The following TNR variants were observed in gnomAD, a reference collection of about 807,000 sequenced individuals.
TNR encodes the protein tenascin-R.
In TNR, 45 loss-of-function variants were observed where a neutral mutation model predicts 150.4. The ratio of observed to expected loss-of-function variants is 0.30; its 90% CI spans 0.24 to 0.38. The LOEUF (loss-of-function observed/expected upper bound fraction) is 0.38, where lower values mean the gene tolerates loss of function less well. Among genes scored for constraint, TNR ranks in the 10% least tolerant of loss-of-function variants. TNR has a pLI of 1.00. For synonymous variants in TNR, 687 were observed against 678.4 expected (o/e 1.01, Z -0.20); for missense variants, 1,544 against 1,759.1 (o/e 0.88, Z 2.19).
rs12092395 is a variant in TNR at position 175,391,516 on chromosome 1, T to C, written c.1357-78A>G. 0.01 allele frequency: 15,156 copies of C among 1,471,184 alleles called. 1,272 individuals carry two copies. In the African/African-American group the frequency reaches 0.18, roughly 18 times the overall value. The allele number at this position is 1,471,184 out of a possible 1,614,324, so 91.1% of individuals were successfully genotyped here. A position where few individuals can be genotyped will look rare whatever the true frequency, so the allele number is the denominator to read the frequency against. On this transcript the variant is annotated intron_variant, in intron 6 of 22. Transcript: ENST00000367674. ...ATCTGATGAGAGAAAGATAAAGGTG[T>C]GGAATACTAATTGTGGATTGTGAAT...
At chr1:175,346,747 T>G (rs1334726269) in intron 18 of TNR, among the ~76,000 whole-genome samples, 3 of 152,056 alleles carry the variant, frequency 2.0e-5, no homozygotes, top group African/African-American at 7.2e-5. Context: ...GGATGGATAA[T>G]TATTTTAAAA....
intron 18 of TNR, among the ~76,000 whole-genome samples, chr1:175,351,751 C>T (rs1175260416): frequency 6.6e-6 from 1 of 152,200 alleles, no homozygotes; most frequent in Non-Finnish European, 1.5e-5. Context: ...TAAATTTGAG[C>T]TTTCCAGTAA....
intron 2 of TNR, among the ~76,000 whole-genome samples, chr1:175,485,085 G>A (rs1049210292): frequency 6.6e-6 from 1 of 152,164 alleles, no homozygotes; most frequent in African/African-American, 2.4e-5. Context: ...TGTCTTCACT[G>A]AAGGATACAG....
At chr1:175,545,976 G>A (rs1660670723) in intron 1 of TNR, among the ~76,000 whole-genome samples, 1 of 152,142 alleles carries the variant, frequency 6.6e-6, no homozygotes, top group Admixed American at 6.5e-5. Context: ...GAAAGTTCTG[G>A]CTTCCTGGAG....
chr1:175,738,850 T>C (rs1667845860), intron 1 of TNR, among the ~76,000 whole-genome samples: 1 of 152,226 alleles, frequency 6.6e-6, no homozygotes, highest in African/African-American at 2.4e-5. Flanking sequence ...CTGGACTGTC[T>C]CTTAAGGAGA....
chr1:175,613,028 A>C (rs1404365529), intron 1 of TNR, among the ~76,000 whole-genome samples: 5 of 152,364 alleles, frequency 3.3e-5, no homozygotes, highest in Non-Finnish European at 7.3e-5. Flanking sequence ...TGATAAATGA[A>C]TGGATGAATC....
At chr1:175,426,766 G>GTGTA (rs1553220164) in intron 2 of TNR, among the ~76,000 whole-genome samples, 2 of 87,468 alleles carry the variant, frequency 2.3e-5, no homozygotes, top group Admixed American at 1.1e-4. Flanking sequence ...GCGTGTGTGT[G>GTGTA]TATAAATATA....
intron 1 of TNR, among the ~76,000 whole-genome samples, chr1:175,659,581 T>A (rs1665298059): frequency 6.6e-6 from 1 of 152,114 alleles, no homozygotes; most frequent in Non-Finnish European, 1.5e-5. Flanking sequence ...CAGTTGAAGA[T>A]CTTGGCAGCA....
At chr1:175,730,070 G>C (rs1293590997) in intron 1 of TNR, among the ~76,000 whole-genome samples, 1 of 152,180 alleles carries the variant, frequency 6.6e-6, no homozygotes, top group East Asian at 1.9e-4. Context: ...CTGAAAGGAA[G>C]ACCAAATTCC....
chr1:175,532,740 A>G (rs1161965319), intron 1 of TNR, among the ~76,000 whole-genome samples: 3 of 152,176 alleles, frequency 2.0e-5, no homozygotes, highest in Non-Finnish European at 4.4e-5. Context: ...CCTGGTAGGA[A>G]TAGAGGATCT....
At position 175,370,338 on chromosome 1, in the gene TNR, C is replaced by CTTTTTTTTTT. The variant is rs55795922; in HGVS notation, c.1964-3051_1964-3042dup. ...GAGAACTATTCCTGGATTTTGAGTA[C>CTTTTTTTTTT]TTTTTTTTTTTTTTTTTTTTTTTTT... On this transcript the variant is annotated intron_variant, in intron 9 of 22. Transcript: ENST00000367674. Among the ~76,000 whole-genome samples the CTTTTTTTTTT allele has an allele frequency of 1.1e-3, 48 of 42,970 alleles. 6 individuals are homozygous for CTTTTTTTTTT. Among genetic ancestry groups the CTTTTTTTTTT allele is most frequent in the African/African-American group, 3.5e-3 (41 of 11,800 alleles). 28.2% of individuals were successfully genotyped at this position (42,970 alleles called of 152,430 possible). A position where few individuals can be genotyped will look rare whatever the true frequency, so the allele number is the denominator to read the frequency against.
rs1364974842 is a variant in TNR at position 175,695,155 on chromosome 1, AAAGGAATTAGGGCTTCCTGTTGC to A, written c.-165+48048_-165+48070del. On this transcript the variant is annotated intron_variant, in intron 1 of 22. Coordinates refer to ENST00000367674, the MANE Select transcript of TNR (RefSeq NM_003285.3). ...GGTGTAACTTCCAGATTAGGACATA[AAAGGAATTAGGGCTTCCTGTTGC>A]TCTCCTTTTTGGATCCCTTGCTCTT... 3.3e-5 allele frequency among the ~76,000 whole-genome samples: 5 copies of A among 152,324 alleles called. No homozygotes were observed. The East Asian group carries it at 9.6e-4, about 29-fold the overall frequency.
intron 12 of TNR, 77 bp from the exon 13 acceptor site, chr1:175,363,904 T>C: frequency 6.5e-7 from 1 of 1,527,324 alleles, no homozygotes; most frequent in Non-Finnish European, 8.8e-7. Flanking sequence ...TGGTTTTATG[T>C]TGACCAAAAG....
At chr1:175,533,215 C>A (rs1431736781) in intron 1 of TNR, among the ~76,000 whole-genome samples, 3 of 152,196 alleles carry the variant, frequency 2.0e-5, no homozygotes, top group Non-Finnish European at 4.4e-5. Flanking sequence ...TACTGAATCC[C>A]TCTAAGCACT....
rs1649123474 is a variant in TNR, at chr1:175,322,694, A to T, written c.*663T>A. The T allele has an allele frequency of 6.6e-6, 1 of 152,234 alleles. No individual in the cohort carries two copies. Among genetic ancestry groups the T allele is most frequent in the African/African-American group, 2.4e-5 (1 of 41,424 alleles). 9.4% of individuals were successfully genotyped at this position (152,234 alleles called of 1,614,324 possible). A position where few individuals can be genotyped will look rare whatever the true frequency, so the allele number is the denominator to read the frequency against. On this transcript the variant is annotated 3_prime_UTR_variant, in exon 23 of 23. Coordinates refer to ENST00000367674, the MANE Select transcript of TNR (RefSeq NM_003285.3). ...CTACTCAAGAGGCTGAGACGAGAGG[A>T]TCACTTAAGCTCAGGAAGTCGAGGC...
intron 6 of TNR, among the ~76,000 whole-genome samples, chr1:175,393,466 C>T (rs944759690): frequency 5.9e-5 from 9 of 152,202 alleles, no homozygotes; most frequent in Non-Finnish European, 1.2e-4. Flanking sequence ...GTCTGGTTTT[C>T]ATGCTCACCA....
At chr1:175,711,725 G>T (rs910822141) in intron 1 of TNR, among the ~76,000 whole-genome samples, 1 of 152,176 alleles carries the variant, frequency 6.6e-6, no homozygotes, top group Admixed American at 6.5e-5. Context: ...TCTCACAGAC[G>T]TGGAAACAGG....
chr1:175,658,948 C>T (rs1361922393), intron 1 of TNR, among the ~76,000 whole-genome samples: 1 of 152,176 alleles, frequency 6.6e-6, no homozygotes, highest in Non-Finnish European at 1.5e-5. Flanking sequence ...TGAGCTAGAC[C>T]AGAGGAAGTT....
intron 1 of TNR, among the ~76,000 whole-genome samples, chr1:175,740,842 A>G (rs996153467): frequency 6.6e-6 from 1 of 152,196 alleles, no homozygotes; most frequent in African/African-American, 2.4e-5. Context: ...TAGAGAGAAC[A>G]GTCACCAAAC....
Sources: allele counts gnomAD v4.1 joint callset (sites outside exome capture counted in the v4.1 genomes callset), GRCh38; gene constraint gnomAD v4.1.1; transcripts MANE v1.5; gene names NCBI Gene and HGNC (gene_info 2026-07-23, HGNC 2026-07-21).